Variants in MBTPS1 observed in about 807,000 individuals in gnomAD.
MBTPS1 encodes the protein membrane bound transcription factor peptidase, site 1, also known as membrane-bound transcription factor site-1 protease.
In MBTPS1, 94 loss-of-function variants were observed where a neutral mutation model predicts 127.8. That is an observed-to-expected ratio of 0.74 (90% CI 0.62 to 0.87). MBTPS1 has a LOEUF of 0.87. Ranked by LOEUF, MBTPS1 falls within the 40% of genes least tolerant of loss-of-function variation. The pLI is 0.00. For synonymous variants in MBTPS1, 632 were observed against 509.4 expected (o/e 1.24, Z -3.24); for missense variants, 1,636 against 1,353.2 (o/e 1.21, Z -3.28).
chr16:84,069,789 CA>C, intron 14 of MBTPS1, 76 bp downstream of exon 14: 1 of 1,334,682 alleles, frequency 7.5e-7, no homozygotes, highest in Non-Finnish European at 1.0e-6. Flanking sequence ...AACATCTTTC[CA>C]AGAGTTGCGG....
intron 2 of MBTPS1, 147 bp downstream of exon 2, chr16:84,101,474 G>C: frequency 6.0e-6 from 4 of 667,666 alleles, no homozygotes; most frequent in Non-Finnish European, 9.7e-6. Context: ...CTGGGTGACA[G>C]AGTGAGACTC....
chr16:84,091,072 CG>C (rs2086099161), intron 7 of MBTPS1, 130 bp from the exon 8 acceptor site: 2 of 731,244 alleles, frequency 2.7e-6, no homozygotes, highest in Non-Finnish European at 4.7e-6. Flanking sequence ...ATTATAAAGG[CG>C]GATGTGCTGG....
intron 11 of MBTPS1, among the ~76,000 whole-genome samples, chr16:84,077,823 C>T (rs1407269883): frequency 1.3e-5 from 2 of 151,996 alleles, no homozygotes; most frequent in Admixed American, 6.5e-5. Flanking sequence ...CAGAAAAATC[C>T]GCAACATGCA....
Position 84,063,366 on chromosome 16 carries a change from A to C in MBTPS1, c.2511T>G (p.Gly837=). 1.2e-6 allele frequency: 2 copies of C among 1,614,148 alleles called. No homozygotes were observed. Among genetic ancestry groups the C allele is most frequent in the Non-Finnish European group, 1.7e-6 (2 of 1,180,016 alleles). The change falls in exon 19 of 23, where the codon GGT becomes GGG. Residue 837 remains glycine (G), a synonymous_variant. Coordinates refer to ENST00000343411, the MANE Select transcript of MBTPS1 (RefSeq NM_003791.4). ...ILGLYQIPAE[G]GGRIVLYGDS... The stretch of plus-strand genomic sequence containing the variant: ...CCCCATACAGTACAATCCGGCCTCC[A>C]CCCTCAGCTGGAATCTGATAAAGTC...
Position 84,063,363 on chromosome 16 carries a change from T to G in MBTPS1, c.2514A>C (p.Gly838=), listed in dbSNP as rs1260629886. The G allele has an allele frequency of 2.5e-6, 4 of 1,614,038 alleles. No homozygotes were observed. Among genetic ancestry groups the G allele is most frequent in the African/African-American group, 1.3e-5 (1 of 74,920 alleles). ...LGLYQIPAEG[G]GRIVLYGDSN... ...AGTCCCCATACAGTACAATCCGGCC[T>G]CCACCCTCAGCTGGAATCTGATAAA... Residue 838 remains glycine (G), a synonymous_variant, in exon 19 of 23, where the codon GGA becomes GGC. Coordinates refer to ENST00000343411, the MANE Select transcript of MBTPS1 (RefSeq NM_003791.4).
intron 1 of MBTPS1, among the ~76,000 whole-genome samples, chr16:84,106,505 C>T (rs944561438): frequency 1.3e-5 from 2 of 151,966 alleles, no homozygotes; most frequent in Admixed American, 6.6e-5. Context: ...GGCCCTGGGG[C>T]AAGGACCATT....
Position 84,074,679 on chromosome 16 carries a change from G to C in MBTPS1, c.1511C>G (p.Pro504Arg), listed in dbSNP as rs1332099324. The C allele has an allele frequency of 1.9e-6, 3 of 1,614,098 alleles. No homozygotes were observed. Among genetic ancestry groups the C allele is most frequent in the Non-Finnish European group, 2.5e-6 (3 of 1,179,952 alleles). ...TGTCGGCATTCCTCCATAGTAGATG[G>C]GCTGGGAGCAGTAGGGCCACATGTA... Reference protein sequence around the residue: ...CPYMWPYCSQPIYYGGMPTVV... With the variant: ...CPYMWPYCSQRIYYGGMPTVV... The change falls in exon 12 of 23, where the codon CCC (proline) becomes CGC (arginine). Residue 504 changes from proline (P) to arginine (R), a missense_variant. Transcript: ENST00000343411.
At chr16:84,071,406 A>T (rs949527980) in intron 12 of MBTPS1, among the ~76,000 whole-genome samples, 2 of 152,236 alleles carry the variant, frequency 1.3e-5, no homozygotes, top group Non-Finnish European at 1.5e-5. Flanking sequence ...CACAATCCAC[A>T]CAGCCAGAAC....
At chr16:84,080,106 C>G (rs1453456610) in intron 11 of MBTPS1, among the ~76,000 whole-genome samples, 1 of 152,192 alleles carries the variant, frequency 6.6e-6, no homozygotes, top group Admixed American at 6.5e-5. Flanking sequence ...CATAAGCCAA[C>G]TAGATGGAGC....
chr16:84,061,042 T>A, intron 19 of MBTPS1: 1 of 330,976 alleles, frequency 3.0e-6, no homozygotes, highest in Admixed American at 4.1e-5. Context: ...GGTCTCAAAC[T>A]CCTGGGCTCA....
At chr16:84,085,226 GGTTA>G in intron 9 of MBTPS1, 92 bp from the exon 10 acceptor site, 2 of 1,293,230 alleles carry the variant, frequency 1.5e-6, no homozygotes, top group East Asian at 2.4e-5. Flanking sequence ...CAGAGATATG[GGTTA>G]GTTAAAAACT....
intron 6 of MBTPS1, among the ~76,000 whole-genome samples, chr16:84,092,914 T>C (rs924237938): frequency 6.6e-6 from 1 of 151,958 alleles, no homozygotes; most frequent in African/African-American, 2.4e-5. Flanking sequence ...AGCCTGGAGG[T>C]AGAGAAGAAA....
chr16:84,085,129 T>G lies in MBTPS1; in HGVS notation c.1140A>C (p.Leu380=). The G allele has an allele frequency of 1.9e-6, 3 of 1,614,124 alleles. No homozygotes were observed. Among genetic ancestry groups the G allele is most frequent in the Non-Finnish European group, 2.5e-6 (3 of 1,180,014 alleles). ...GTTTCATGCGACCGTAGCCTCCTGGTAGCTCCTATGAATAAAAGCAGCTTG... is the reference window on the plus strand; with the variant it reads ...GTTTCATGCGACCGTAGCCTCCTGGGAGCTCCTATGAATAAAAGCAGCTTG... The part of the protein sequence containing the change: ...FSSRGMTTWE[L]PGGYGRMKPD... Residue 380 remains leucine, a synonymous_variant, in exon 10 of 23, where the codon CTA becomes CTC. Coordinates refer to ENST00000343411, the MANE Select transcript of MBTPS1 (RefSeq NM_003791.4).
intron 9 of MBTPS1, among the ~76,000 whole-genome samples, 160 bp downstream of exon 9, chr16:84,087,198 C>T (rs937719603): frequency 1.3e-5 from 2 of 152,212 alleles, no homozygotes; most frequent in African/African-American, 4.8e-5. Context: ...GATCTCTCGT[C>T]CTCACGGCTG....
intron 18 of MBTPS1, among the ~76,000 whole-genome samples, chr16:84,064,117 C>A (rs1477183881): frequency 6.6e-6 from 1 of 152,008 alleles, no homozygotes; most frequent in East Asian, 1.9e-4. Flanking sequence ...GTGGCACCAC[C>A]AGATAATCTA....
At chr16:84,058,180 C>T (rs964734516) in intron 21 of MBTPS1, 3 of 152,232 alleles carry the variant, frequency 2.0e-5, no homozygotes, top group African/African-American at 7.2e-5. Flanking sequence ...CTACCATTTT[C>T]CTGTGTTCTA....
At position 84,056,024 on chromosome 16, in the gene MBTPS1, G is replaced by A. The variant is rs775275703; in HGVS notation, c.2943C>T (p.Gly981=). Residue 981 remains glycine (G), a synonymous_variant, in exon 22 of 23, where the codon GGC becomes GGT. Coordinates refer to ENST00000343411, the MANE Select transcript of MBTPS1 (RefSeq NM_003791.4). ...QVRPLSPGES[G]AWDIPGGIMP... ...ACTCACCTCCAGGAATGTCCCAGGC[G>A]CCGCTCTCTCCAGGGGACAAGGGCC... 9 of 1,613,186 alleles carry A rather than the reference G, an allele frequency of 5.6e-6. No individual in the cohort carries two copies. The highest frequency in any genetic ancestry group is 1.7e-4 in the Middle Eastern group (1 of 5,726).
rs140675128 is a variant in MBTPS1 at position 84,105,897 on chromosome 16, ATC to A, written c.-324-3792_-324-3791del. 6.4e-4 allele frequency among the ~76,000 whole-genome samples: 98 copies of A among 152,312 alleles called. 2 individuals are homozygous for A. In the East Asian group the frequency reaches 0.018, roughly 27 times the overall value. On this transcript the variant is annotated intron_variant, in intron 1 of 22. Coordinates refer to ENST00000343411, the MANE Select transcript of MBTPS1 (RefSeq NM_003791.4). Reference sequence around the variant, plus strand: ...GAGTAATGAACAAAATACCATAGAAATCTCTGACCTCACGGAGCTTACCTTCC... The same window carrying A: ...GAGTAATGAACAAAATACCATAGAAATCTGACCTCACGGAGCTTACCTTCC...
intron 22 of MBTPS1, 52 bp downstream of exon 22, chr16:84,055,953 T>G (rs1432614481): frequency 6.3e-7 from 1 of 1,581,222 alleles, no homozygotes; most frequent in Non-Finnish European, 8.6e-7. Flanking sequence ...GAGACTCCTT[T>G]GAACAAAATA....
Sources: allele counts gnomAD v4.1 joint callset (sites outside exome capture counted in the v4.1 genomes callset), GRCh38; gene constraint gnomAD v4.1.1; transcripts MANE v1.5; gene names NCBI Gene and HGNC (gene_info 2026-07-23, HGNC 2026-07-21).